PKDCC: variants seen among roughly 807,000 people sequenced by gnomAD.
PKDCC encodes the protein protein kinase domain containing, cytoplasmic, also known as extracellular tyrosine-protein kinase PKDCC.
PKDCC carries 35 observed loss-of-function variants against 44.7 expected under a neutral mutation model. The ratio of observed to expected loss-of-function variants is 0.78; its 90% CI spans 0.60 to 1.04. The LOEUF is 1.04. Ranked by LOEUF, PKDCC falls within the 50% of genes least tolerant of loss-of-function variation. PKDCC has a pLI of 0.00. For synonymous variants in PKDCC, 353 were observed against 303.3 expected (o/e 1.16, Z -1.70); for missense variants, 738 against 672.7 (o/e 1.10, Z -1.07).
In PKDCC at chr2:42,054,913, C is replaced by A; in HGVS notation, c.1035-28C>A. On this transcript the variant is annotated intron_variant, in intron 3 of 6. Coordinates refer to ENST00000294964, the MANE Select transcript of PKDCC (RefSeq NM_138370.3). This position sits in a 1 kb window ranked among gnomAD's most constrained non-coding sequence, Gnocchi z 6.1. ...GGATGTGTCTCCAAAGGCTGGATTC[C>A]TGAGCCACTGGTTTCCCTCTGCCAC... 3 of 1,594,954 alleles carry A rather than the reference C, an allele frequency of 1.9e-6. No individual in the cohort carries two copies. The highest frequency in any genetic ancestry group is 2.6e-6 in the Non-Finnish European group (3 of 1,162,528).
chr2:42,054,062 C>G lies in PKDCC; in HGVS notation c.789C>G (p.Leu263=). ...TCTGCCTGAGCCTGGGCCGCCTCCT[C>G]CACCACCTGGCCCACTCCCCACTGG... ...FRICLSLGRL[L]HHLAHSPLGS... Residue 263 remains leucine, a synonymous_variant, in exon 3 of 7, where the codon CTC becomes CTG. Transcript: ENST00000294964. This position sits in a 1 kb window ranked among gnomAD's most constrained non-coding sequence, Gnocchi z 6.1. The G allele has an allele frequency of 6.2e-7, 1 of 1,612,070 alleles. No individual in the cohort carries two copies. The highest frequency in any genetic ancestry group is 1.1e-5 in the South Asian group (1 of 90,980).
At position 42,048,751 on chromosome 2, in the gene PKDCC, A is replaced by T; in HGVS notation, c.552A>T (p.Val184=). 1 of 1,581,744 alleles carries T rather than the reference A, an allele frequency of 6.3e-7. No homozygotes were observed. The highest frequency in any genetic ancestry group is 8.6e-7 in the Non-Finnish European group (1 of 1,163,618). ...DLGSCVREFG[V]RRGCYRLAAH... ...GCAGCTGCGTGCGCGAGTTCGGGGT[A>T]CGGAGGGGCTGCTATCGGCTGGCGG... Residue 184 remains valine, a synonymous_variant, in exon 1 of 7, where the codon GTA becomes GTT. Coordinates refer to ENST00000294964, the MANE Select transcript of PKDCC (RefSeq NM_138370.3). The surrounding 1 kb of genome is among the most constrained non-coding windows in gnomAD (Gnocchi z 6.2).
chr2:42,053,021 A>G (rs1287968266), intron 1 of PKDCC, among the ~76,000 whole-genome samples: 1 of 152,198 alleles, frequency 6.6e-6, no homozygotes, highest in Non-Finnish European at 1.5e-5. Context: ...TATTTACCTG[A>G]GTCGGAAGGG....
At position 42,055,268 on chromosome 2, in the gene PKDCC, C is replaced by T. The variant is rs911497153; in HGVS notation, c.1115-18C>T. 1 of 1,605,720 alleles carries T rather than the reference C, an allele frequency of 6.2e-7. No homozygotes were observed. Among genetic ancestry groups the T allele is most frequent in the Admixed American group, 1.7e-5 (1 of 59,138 alleles). On this transcript the variant is annotated intron_variant, in intron 4 of 6. Coordinates refer to ENST00000294964, the MANE Select transcript of PKDCC (RefSeq NM_138370.3). The surrounding 1 kb of genome is among the most constrained non-coding windows in gnomAD (Gnocchi z 4.5). ...GGGAGCCCCAGGCATCCTGTCTTAG[C>T]CACACTGCACTCTGCAGGAGAGCTC...
rs1667965599 is a variant in PKDCC, at chr2:42,051,411, G to T, written c.640-1828G>T. ...CCAGGCCTGCCTGGGCCCAGATTCTGGCCCTGCTAGAGTATATTTCTTCTC... is the reference window on the plus strand; with the variant it reads ...CCAGGCCTGCCTGGGCCCAGATTCTTGCCCTGCTAGAGTATATTTCTTCTC... On this transcript the variant is annotated intron_variant, in intron 1 of 6. Coordinates refer to ENST00000294964, the MANE Select transcript of PKDCC (RefSeq NM_138370.3). This position sits in a 1 kb window ranked among gnomAD's most constrained non-coding sequence, Gnocchi z 4.2. Among the ~76,000 whole-genome samples, 1 of 151,420 alleles carries T rather than the reference G, an allele frequency of 6.6e-6. No individual in the cohort carries two copies.
chr2:42,055,392 C>T lies in PKDCC; in HGVS notation c.1221C>T (p.Thr407=), dbSNP rs142280977. ...AGAACTCCACGGCAAGCAGCAGTAC[C>T]GGTGAGTGGCCCCAAGCTGATCCAC... is the stretch of plus-strand genomic sequence containing the variant. ...YLQNSTASSS[T]EYQCIPDSTI... is the part of the protein sequence containing the mutation. Residue 407 remains threonine (T), a splice_region_variant and synonymous_variant, in exon 5 of 7, where the codon ACC becomes ACT. Transcript: ENST00000294964. The surrounding 1 kb of genome is among the most constrained non-coding windows in gnomAD (Gnocchi z 4.5). 99 of 1,612,706 alleles carry T rather than the reference C, an allele frequency of 6.1e-5. No homozygotes were observed. Among genetic ancestry groups the T allele is most frequent in the East Asian group, 3.3e-4 (15 of 44,854 alleles).
In PKDCC at chr2:42,054,508, C is replaced by T. The variant is rs1311453596; in HGVS notation, c.1034+201C>T. ...AAAATAGACAGCTCCAAGGAGAATCCGGGTTAGGGGGTGGCAGCTGGAGGC... is the reference window on the plus strand; with the variant it reads ...AAAATAGACAGCTCCAAGGAGAATCTGGGTTAGGGGGTGGCAGCTGGAGGC... On this transcript the variant is annotated intron_variant, in intron 3 of 6. Transcript: ENST00000294964. The surrounding 1 kb of genome is among the most constrained non-coding windows in gnomAD (Gnocchi z 6.1). 1.1e-5 allele frequency: 7 copies of T among 656,158 alleles called. No individual in the cohort carries two copies. Among genetic ancestry groups the T allele is most frequent in the African/African-American group, 3.6e-5 (2 of 54,892 alleles). The allele number at this position is 656,158 out of a possible 1,614,324, so 40.6% of individuals were successfully genotyped here.
chr2:42,053,490 C>T (rs2103928213), intron 2 of PKDCC, 129 bp downstream of exon 2: 10 of 1,296,532 alleles, frequency 7.7e-6, no homozygotes, highest in East Asian at 2.4e-5. Context: ...GGCGCACAGG[C>T]TGACTCAGCC....
Position 42,048,620 on chromosome 2 carries a change from G to A in PKDCC, c.421G>A (p.Ala141Thr). 2 of 1,528,278 alleles carry A rather than the reference G, an allele frequency of 1.3e-6. No individual in the cohort carries two copies. Among genetic ancestry groups the A allele is most frequent in the East Asian group, 2.5e-5 (1 of 40,178 alleles). 94.7% of individuals were successfully genotyped at this position (1,528,278 alleles called of 1,614,324 possible). ...GCAALRNVSG[A>T]QYMGSGYTKA... ...CGCCGCGCTTCGCAACGTGTCCGGC[G>A]CGCAGTACATGGGCTCAGGCTACAC... The change falls in exon 1 of 7, where the codon GCG becomes ACG. Residue 141 changes from alanine to threonine, a missense_variant. Transcript: ENST00000294964. The surrounding 1 kb of genome is among the most constrained non-coding windows in gnomAD (Gnocchi z 6.2).
rs1290655165 is a variant in PKDCC, at chr2:42,051,034, G to C, written c.639+2196G>C. ...TTTGACTGTTTGCTGAACTGGGGAG[G>C]AGTTAGAGAACATTTCTAGAGTTCC... On this transcript the variant is annotated intron_variant, in intron 1 of 6. Coordinates refer to ENST00000294964, the MANE Select transcript of PKDCC (RefSeq NM_138370.3). The surrounding 1 kb of genome is among the most constrained non-coding windows in gnomAD (Gnocchi z 4.2). Among the ~76,000 whole-genome samples, 1 of 152,104 alleles carries C rather than the reference G, an allele frequency of 6.6e-6. No homozygotes were observed. The highest frequency in any genetic ancestry group is 1.9e-4 in the East Asian group (1 of 5,186).
At chr2:42,056,880 G>T (rs1392955881) in intron 5 of PKDCC, among the ~76,000 whole-genome samples, 46 of 152,164 alleles carry the variant, frequency 3.0e-4, no homozygotes, top group Non-Finnish European at 5.9e-5. Context: ...AAATGTCCTG[G>T]CCTCAGCAAT....
In PKDCC at chr2:42,057,897, G is replaced by C. The variant is rs1425359757; in HGVS notation, c.*209G>C. ...TTACCAGCCTAGCTATGGGACTGCT[G>C]GCTCCTAGTCCAGGAATCATGGGGG... is the stretch of plus-strand genomic sequence containing the variant. On this transcript the variant is annotated 3_prime_UTR_variant, in exon 7 of 7. Transcript: ENST00000294964. The C allele has an allele frequency of 3.5e-6, 2 of 577,198 alleles. No individual in the cohort carries two copies. The highest frequency in any genetic ancestry group is 6.2e-6 in the Non-Finnish European group (2 of 323,812). 35.8% of individuals were successfully genotyped at this position (577,198 alleles called of 1,614,324 possible).
Position 42,053,353 on chromosome 2 carries a change from C to T in PKDCC, c.754C>T (p.Arg252Ter), listed in dbSNP as rs754477865. Residue 252 changes from arginine (R) to a stop codon, truncating the protein, a stop_gained, in exon 2 of 7, where the codon CGA becomes TGA. Coordinates refer to ENST00000294964, the MANE Select transcript of PKDCC (RefSeq NM_138370.3). LOFTEE classifies it high-confidence loss of function. Reference protein sequence around the residue: ...IQLLQTSWEDRFRICLSLGRL... With the variant: ...IQLLQTSWED The stretch of plus-strand genomic sequence containing the variant: ...GCTGCTGCAAACTTCCTGGGAGGAT[C>T]GATTCCGAGTGAGCTCAGAGGAGGG... 2 of 1,611,896 alleles carry T rather than the reference C, an allele frequency of 1.2e-6. No homozygotes were observed. Among genetic ancestry groups the T allele is most frequent in the Non-Finnish European group, 1.7e-6 (2 of 1,178,828 alleles).
Position 42,057,210 on chromosome 2 carries a change from C to G in PKDCC, c.1223-11C>G, listed in dbSNP as rs548657611. On this transcript the variant is annotated splice_polypyrimidine_tract_variant and intron_variant, in intron 5 of 6. Transcript: ENST00000294964. ...ACAGAATTCTCATTTTACTCCATCC[C>G]CAACCCACAGAGTACCAGTGTATCC... 1.9e-6 allele frequency: 3 copies of G among 1,613,732 alleles called. No individual in the cohort carries two copies. Among genetic ancestry groups the G allele is most frequent in the Non-Finnish European group, 2.5e-6 (3 of 1,179,698 alleles).
chr2:42,048,128 C>T lies in PKDCC; in HGVS notation c.-72C>T. 1.1e-6 allele frequency: 1 copy of T among 906,086 alleles called. No homozygotes were observed. The highest frequency in any genetic ancestry group is 2.0e-5 in the African/African-American group (1 of 50,754). The allele number at this position is 906,086 out of a possible 1,614,324, so 56.1% of individuals were successfully genotyped here. On this transcript the variant is annotated 5_prime_UTR_variant, in exon 1 of 7. Transcript: ENST00000294964. This position sits in a 1 kb window ranked among gnomAD's most constrained non-coding sequence, Gnocchi z 6.2. ...CCGGCGGGGCGCAGAGCGGAGCCGCCTCGGAGCCTGAGCCGCCCGGGGCCG... is the reference window on the plus strand; with the variant it reads ...CCGGCGGGGCGCAGAGCGGAGCCGCTTCGGAGCCTGAGCCGCCCGGGGCCG...
Position 42,048,441 on chromosome 2 carries a change from G to T in PKDCC, c.242G>T (p.Arg81Leu), listed in dbSNP as rs1249994947. 8.1e-6 allele frequency: 9 copies of T among 1,106,158 alleles called. No individual in the cohort carries two copies. Among genetic ancestry groups the T allele is most frequent in the Non-Finnish European group, 9.9e-6 (9 of 911,122 alleles). The allele number at this position is 1,106,158 out of a possible 1,614,324, so 68.5% of individuals were successfully genotyped here. The change falls in exon 1 of 7, where the codon CGG (arginine) becomes CTG (leucine). Residue 81 changes from arginine (R) to leucine (L), a missense_variant. Arg to Leu is a moderately radical substitution (Grantham distance 102). Transcript: ENST00000294964. The surrounding 1 kb of genome is among the most constrained non-coding windows in gnomAD (Gnocchi z 6.2). ...GGGGGCCCCGGGCCCGGGGCGGGCC[G>T]GCCGGAGCGGCGGCGCCTGATGGAC... Reference protein sequence around the residue: ...SRGGPGPGAGRPERRRLMDLA... With the variant: ...SRGGPGPGAGLPERRRLMDLA...
chr2:42,048,528 A>T lies in PKDCC; in HGVS notation c.329A>T (p.Asp110Val). 1 of 1,217,206 alleles carries T rather than the reference A, an allele frequency of 8.2e-7. No homozygotes were observed. The allele number at this position is 1,217,206 out of a possible 1,614,324, so 75.4% of individuals were successfully genotyped here. A position where few individuals can be genotyped will look rare whatever the true frequency, so the allele number is the denominator to read the frequency against. ...CCCCCTTGGGCCCGGCCCCTGTCCG[A>T]CGGCGCCCCAGGCTGGCCCCCGGCT... ...PRPPWARPLS[D>V]GAPGWPPAPG... The change falls in exon 1 of 7, where the codon GAC becomes GTC. Residue 110 changes from aspartate to valine, a missense_variant. Coordinates refer to ENST00000294964, the MANE Select transcript of PKDCC (RefSeq NM_138370.3). The surrounding 1 kb of genome is among the most constrained non-coding windows in gnomAD (Gnocchi z 6.2).
Position 42,051,820 on chromosome 2 carries a change from C to T in PKDCC, c.640-1419C>T, listed in dbSNP as rs994736283. On this transcript the variant is annotated intron_variant, in intron 1 of 6. Transcript: ENST00000294964. The surrounding 1 kb of genome is among the most constrained non-coding windows in gnomAD (Gnocchi z 4.2). ...GGGAGCTGAGGGGGCACTCCTAGGGCGGGAAGAGGACATGTGAGGACCTGG... is the reference window on the plus strand; with the variant it reads ...GGGAGCTGAGGGGGCACTCCTAGGGTGGGAAGAGGACATGTGAGGACCTGG... 1.2e-4 allele frequency among the ~76,000 whole-genome samples: 18 copies of T among 152,104 alleles called. No homozygotes were observed. The highest frequency in any genetic ancestry group is 9.8e-4 in the Admixed American group (15 of 15,286).
intron 2 of PKDCC, 72 bp from the exon 3 acceptor site, chr2:42,053,964 G>A: frequency 6.5e-7 from 1 of 1,542,122 alleles, no homozygotes; most frequent in Non-Finnish European, 8.7e-7. Context: ...TCCAAGAGGA[G>A]GGTGCCCTCG....
Sources: gnomAD v4.1 joint callset for allele counts (sites outside exome capture counted in the v4.1 genomes callset) on GRCh38, gnomAD v4.1.1 for gene constraint, Gnocchi (gnomAD v3.1) non-coding constraint, MANE v1.5 for transcripts, NCBI Gene and HGNC (gene_info 2026-07-23, HGNC 2026-07-21) for gene names.